THSD7B: variants seen among roughly 807,000 people sequenced by gnomAD.
The protein encoded by THSD7B is thrombospondin type-1 domain-containing protein 7B.
THSD7B carries 138 observed loss-of-function variants against 213.6 expected under a neutral mutation model. The ratio of observed to expected loss-of-function variants is 0.65; its 90% CI spans 0.56 to 0.74. THSD7B has a LOEUF of 0.74. THSD7B is among the 30% of genes least tolerant of loss of function. The pLI is 0.00. For missense variants in THSD7B, 1,931 were observed against 1,991.5 expected, an observed-to-expected ratio of 0.97 and a Z score of 0.58; for synonymous variants, 742 against 687.0, an observed-to-expected ratio of 1.08 and a Z score of -1.25.
Position 137,642,556 on chromosome 2 carries a change from C to T in THSD7B, c.3868C>T (p.Leu1290Phe). 1.2e-6 allele frequency: 2 copies of T among 1,613,804 alleles called. No individual in the cohort carries two copies. Among genetic ancestry groups the T allele is most frequent in the East Asian group, 2.2e-5 (1 of 44,872 alleles). ...AGAAGGACGGCCATGCCCCACAGAG[C>T]TTACCCAGGAGAAAACCTGCCCAGT... Reference protein sequence around the residue: ...QGEGRPCPTELTQEKTCPVTP... With the variant: ...QGEGRPCPTEFTQEKTCPVTP... Residue 1290 changes from leucine to phenylalanine, a missense_variant, in exon 21 of 28, where the codon CTT becomes TTT. By Grantham distance (22) the Leu-to-Phe change is conservative. Transcript: ENST00000409968.
intron 12 of THSD7B, among the ~76,000 whole-genome samples, chr2:137,358,076 T>C (rs1376804325): frequency 2.0e-5 from 3 of 152,208 alleles, no homozygotes; most frequent in Admixed American, 2.0e-4. Flanking sequence ...CTTGCTGAAG[T>C]GAACAGCTTT....
chr2:137,437,489 A>T (rs1687319587), intron 14 of THSD7B, among the ~76,000 whole-genome samples: 1 of 152,182 alleles, frequency 6.6e-6, no homozygotes, highest in Admixed American at 6.5e-5. Context: ...GTCCTGAATT[A>T]TATCGCCACT....
intron 4 of THSD7B, among the ~76,000 whole-genome samples, chr2:137,095,883 A>G (rs942962713): frequency 6.6e-6 from 1 of 152,024 alleles, no homozygotes; most frequent in Non-Finnish European, 1.5e-5. Flanking sequence ...TTTATTTTGT[A>G]TAGAGATGGG....
intron 12 of THSD7B, among the ~76,000 whole-genome samples, chr2:137,306,026 G>A (rs977338835): frequency 2.0e-5 from 3 of 152,036 alleles, no homozygotes; most frequent in African/African-American, 4.8e-5. Context: ...ACCTGTGTGC[G>A]GCACTTACCA....
In THSD7B at chr2:137,485,988, G is replaced by A. The variant is rs568724382; in HGVS notation, c.3138+34965G>A. 5.7e-3 allele frequency among the ~76,000 whole-genome samples: 875 copies of A among 152,238 alleles called. 28 individuals are homozygous for A. Among genetic ancestry groups the A allele is most frequent in the Admixed American group, 0.054 (831 of 15,288 alleles). On this transcript the variant is annotated intron_variant, in intron 15 of 27. Coordinates refer to ENST00000409968, the MANE Select transcript of THSD7B (RefSeq NM_001316349.2). ...CCAGGCCTGCCCTAAAAGAGCTCCT[G>A]AAGGAAGCACTAAACATGGAAAGGA...
chr2:137,036,534 A>G (rs1686779426), intron 2 of THSD7B, among the ~76,000 whole-genome samples: 1 of 152,186 alleles, frequency 6.6e-6, no homozygotes, highest in Non-Finnish European at 1.5e-5. Flanking sequence ...TTATAAATAT[A>G]ATTTTCAGAA....
chr2:137,134,111 C>T (rs1688788288), intron 5 of THSD7B, among the ~76,000 whole-genome samples: 1 of 152,192 alleles, frequency 6.6e-6, no homozygotes. Flanking sequence ...ACCCTTACAA[C>T]ATCCCAATCA....
chr2:137,260,779 TAAAC>T (rs1337253009), intron 10 of THSD7B, among the ~76,000 whole-genome samples: 4 of 152,174 alleles, frequency 2.6e-5, no homozygotes, highest in Middle Eastern at 3.4e-3. Context: ...AATAAATAAA[TAAAC>T]AAACCTTTCA....
At chr2:137,453,846 A>G (rs1006269795) in intron 15 of THSD7B, among the ~76,000 whole-genome samples, 7 of 152,124 alleles carry the variant, frequency 4.6e-5, no homozygotes, top group African/African-American at 1.7e-4. Flanking sequence ...TCCACATGTA[A>G]GTGAAAACAT....
At chr2:136,930,550 C>T (rs1684610039) in intron 2 of THSD7B, among the ~76,000 whole-genome samples, 1 of 152,142 alleles carries the variant, frequency 6.6e-6, no homozygotes, top group Non-Finnish European at 1.5e-5. Flanking sequence ...AAGTATAGTG[C>T]TGGGAAGATG....
chr2:137,173,334 T>G (rs935359613), intron 7 of THSD7B, among the ~76,000 whole-genome samples: 6 of 152,174 alleles, frequency 3.9e-5, no homozygotes, highest in African/African-American at 1.2e-4. Context: ...ACAAAGATCA[T>G]TGGTTTGGTT....
At chr2:136,977,313 C>T (rs2104804640) in intron 2 of THSD7B, among the ~76,000 whole-genome samples, 1 of 152,192 alleles carries the variant, frequency 6.6e-6, no homozygotes, top group African/African-American at 2.4e-5. Flanking sequence ...TTTATTGTAT[C>T]TATTTGATTC....
intron 2 of THSD7B, among the ~76,000 whole-genome samples, chr2:136,922,488 C>T (rs1157736789): frequency 6.6e-6 from 1 of 152,094 alleles, no homozygotes; most frequent in Admixed American, 6.5e-5. Flanking sequence ...ATGTAATTTC[C>T]AGTTGGTAAT....
At chr2:137,233,868 A>G (rs1330433343) in intron 9 of THSD7B, among the ~76,000 whole-genome samples, 1 of 152,166 alleles carries the variant, frequency 6.6e-6, no homozygotes, top group Non-Finnish European at 1.5e-5. Flanking sequence ...GGCCCTATGC[A>G]TTATAGAGAG....
intron 15 of THSD7B, among the ~76,000 whole-genome samples, chr2:137,467,586 C>A (rs1402049347): frequency 6.6e-6 from 1 of 152,048 alleles, no homozygotes; most frequent in African/African-American, 2.4e-5. Flanking sequence ...AAGAATGTCC[C>A]CTATATACAC....
intron 1 of THSD7B, among the ~76,000 whole-genome samples, chr2:136,806,622 C>T (rs948207266): frequency 1.3e-5 from 2 of 152,192 alleles, no homozygotes; most frequent in Non-Finnish European, 2.9e-5. Context: ...CCCATATACC[C>T]AGTGCCCGGT....
At position 137,160,299 on chromosome 2, in the gene THSD7B, A is replaced by G. The variant is rs777999154; in HGVS notation, c.1456A>G (p.Ile486Val). The G allele has an allele frequency of 3.1e-6, 5 of 1,613,686 alleles. No homozygotes were observed. The highest frequency in any genetic ancestry group is 4.2e-6 in the Non-Finnish European group (5 of 1,179,730). Residue 486 changes from isoleucine to valine, a missense_variant, in exon 6 of 28, where the codon ATA becomes GTA. Ile to Val is a conservative substitution (Grantham distance 29). Coordinates refer to ENST00000409968, the MANE Select transcript of THSD7B (RefSeq NM_001316349.2). ...CAATATCCCTTGCTCTACGGACTGC[A>G]TAGTATCTTCCTGGTCAGCCTGGGG... ...LCNIPCSTDCIVSSWSAWGLC... is the reference protein window; with the variant it reads ...LCNIPCSTDCVVSSWSAWGLC...
intron 2 of THSD7B, among the ~76,000 whole-genome samples, chr2:137,006,399 A>AATACATAC (rs60604756): frequency 0.024 from 3,525 of 149,452 alleles, 52 homozygotes; most frequent in South Asian, 0.038. Flanking sequence ...CGTCTCAAGA[A>AATACATAC]ATACATACAT....
intron 4 of THSD7B, among the ~76,000 whole-genome samples, chr2:137,107,179 C>T (rs1476457341): frequency 6.6e-6 from 1 of 152,140 alleles, no homozygotes; most frequent in African/African-American, 2.4e-5. Context: ...AAATGTAGCA[C>T]ATATACAACA....
Sources: allele counts gnomAD v4.1 joint callset (sites outside exome capture counted in the v4.1 genomes callset), GRCh38; gene constraint gnomAD v4.1.1; transcripts MANE v1.5; gene names NCBI Gene and HGNC (gene_info 2026-07-23, HGNC 2026-07-21).